KCNMA1: variants seen among roughly 807,000 people sequenced by gnomAD.
The protein encoded by KCNMA1 is Calcium-activated potassium channel subunit alpha-1.
Under a neutral mutation model 140.0 loss-of-function variants are expected in KCNMA1, and 29 were observed. That is an observed-to-expected ratio of 0.21 (90% CI 0.15 to 0.28). KCNMA1 has a LOEUF of 0.28. Ranked by LOEUF, KCNMA1 falls within the 10% of genes least tolerant of loss-of-function variation. The pLI is 1.00. For synonymous variants in KCNMA1, 612 were observed against 611.9 expected (o/e 1.00, Z 0.00); for missense variants, 880 against 1,602.2 (o/e 0.55, Z 7.70).
chr10:77,131,339 C>T (rs1307661672), intron 5 of KCNMA1, among the ~76,000 whole-genome samples: 2 of 152,192 alleles, frequency 1.3e-5, no homozygotes, highest in Non-Finnish European at 2.9e-5. Flanking sequence ...AGCACGGTGG[C>T]TCATGCCCGT....
intron 14 of KCNMA1, among the ~76,000 whole-genome samples, chr10:77,041,598 C>T (rs1031988030): frequency 2.6e-5 from 4 of 152,174 alleles, no homozygotes; most frequent in African/African-American, 7.2e-5. Flanking sequence ...CCACTGCTAC[C>T]GGCTTACAAT....
chr10:77,471,497 TCACACCATACACCA>T (rs1054338588), intron 1 of KCNMA1, among the ~76,000 whole-genome samples: 31 of 145,716 alleles, frequency 2.1e-4, no homozygotes, highest in Non-Finnish European at 6.0e-5. Context: ...CACACACACT[TCACACCATACACCA>T]CACACCATAC....
At position 76,984,255 on chromosome 10, in the gene KCNMA1, T is replaced by C. The variant is rs138687332; in HGVS notation, c.2267-14188A>G. Among the ~76,000 whole-genome samples, 361 of 152,144 alleles carry C rather than the reference T, an allele frequency of 2.4e-3. 5 individuals carry two copies. The highest frequency in any genetic ancestry group is 0.02 in the Admixed American group (300 of 15,278). On this transcript the variant is annotated intron_variant, in intron 19 of 27. Transcript: ENST00000286628. ...TGTCACCCAGGCTCCCAGGCTGGAA[T>C]GCAGTGGTGCAATCTTGGCTCACTG... is the stretch of plus-strand genomic sequence containing the variant.
At chr10:77,518,443 C>A (rs1349648872) in intron 1 of KCNMA1, among the ~76,000 whole-genome samples, 1 of 152,180 alleles carries the variant, frequency 6.6e-6, no homozygotes. Context: ...CCCCAGCATC[C>A]ATTTAAAAAT....
Position 77,041,161 on chromosome 10 carries a change from T to TGGTAGAGACAGGG in KCNMA1, c.1750-1525_1750-1524insCCCTGTCTCTACC, listed in dbSNP as rs1565721651. ...CATGCCTGGCTAATTCTTTTTTTTT[T>TGGTAGAGACAGGG]TTTTTTTTTTTTTTTTTTTTTGAGA... On this transcript the variant is annotated intron_variant, in intron 14 of 27. Transcript: ENST00000286628. Among the ~76,000 whole-genome samples, 23 of 2,948 alleles carry TGGTAGAGACAGGG rather than the reference T, an allele frequency of 7.8e-3. 6 individuals are homozygous for TGGTAGAGACAGGG. The highest frequency in any genetic ancestry group is 0.012 in the South Asian group (2 of 162). The allele number at this position is 2,948 out of a possible 152,430, so 1.9% of individuals were successfully genotyped here. A position where few individuals can be genotyped will look rare whatever the true frequency, so the allele number is the denominator to read the frequency against.
chr10:77,628,990 T>C (rs1468669826), intron 1 of KCNMA1, among the ~76,000 whole-genome samples: 1 of 152,164 alleles, frequency 6.6e-6, no homozygotes, highest in East Asian at 1.9e-4. Context: ...GAAAATCTGG[T>C]AGAGAGGCCA....
chr10:76,927,124 C>G (rs990598148), intron 23 of KCNMA1, among the ~76,000 whole-genome samples: 1 of 152,074 alleles, frequency 6.6e-6, no homozygotes, highest in African/African-American at 2.4e-5. Flanking sequence ...ACGTGATCTC[C>G]AACAAAATAA....
At chr10:77,555,141 A>G (rs1369397127) in intron 1 of KCNMA1, among the ~76,000 whole-genome samples, 2 of 152,068 alleles carry the variant, frequency 1.3e-5, no homozygotes. Context: ...GAGGACACTG[A>G]CATAGGGAGG....
intron 1 of KCNMA1, among the ~76,000 whole-genome samples, chr10:77,534,792 G>A (rs2058484504): frequency 6.6e-6 from 1 of 152,076 alleles, no homozygotes; most frequent in Non-Finnish European, 1.5e-5. Context: ...AGTGACAAAC[G>A]TTTGATCAAT....
At chr10:76,978,073 T>C (rs1363715713) in intron 19 of KCNMA1, among the ~76,000 whole-genome samples, 3 of 152,232 alleles carry the variant, frequency 2.0e-5, no homozygotes, top group African/African-American at 7.2e-5. Flanking sequence ...TTTAAACCTC[T>C]GCACAATAAC....
intron 3 of KCNMA1, among the ~76,000 whole-genome samples, chr10:77,244,091 A>G (rs1397549912): frequency 6.6e-6 from 1 of 152,208 alleles, no homozygotes; most frequent in African/African-American, 2.4e-5. Flanking sequence ...GTAGGTTATC[A>G]TGTCTTTGTT....
intron 18 of KCNMA1, among the ~76,000 whole-genome samples, chr10:77,007,135 G>A (rs1430295465): frequency 2.0e-5 from 3 of 152,166 alleles, no homozygotes; most frequent in Non-Finnish European, 4.4e-5. Flanking sequence ...GCTCAATGCT[G>A]GCCTTAAAAG....
chr10:77,391,788 T>A (rs369396845), intron 2 of KCNMA1, among the ~76,000 whole-genome samples: 1 of 152,014 alleles, frequency 6.6e-6, no homozygotes, highest in Admixed American at 6.5e-5. Flanking sequence ...CTTGGAAGCA[T>A]CAGCTTGCGT....
rs532247799 is a variant in KCNMA1 at position 76,923,897 on chromosome 10, T to C, written c.2903-8848A>G. Among the ~76,000 whole-genome samples, 23 of 152,050 alleles carry C rather than the reference T, an allele frequency of 1.5e-4. No individual in the cohort carries two copies. The South Asian group carries it at 4.8e-3, about 32-fold the overall frequency. On this transcript the variant is annotated intron_variant, in intron 23 of 27. Coordinates refer to ENST00000286628, the MANE Select transcript of KCNMA1 (RefSeq NM_001161352.2). ...GGGTGTGCCTGTATTCCCAGCTACT[T>C]GGGAGGCTGACGTGGGAGGATTGCT... is the stretch of plus-strand genomic sequence containing the variant.
At chr10:77,069,194 A>G (rs1363717674) in intron 14 of KCNMA1, among the ~76,000 whole-genome samples, 5 of 152,170 alleles carry the variant, frequency 3.3e-5, no homozygotes, top group Non-Finnish European at 7.3e-5. Flanking sequence ...TCTCACTAGA[A>G]CCTGACAGGC....
At chr10:77,008,306 A>G (rs986349470) in intron 18 of KCNMA1, 3 of 1,080,462 alleles carry the variant, frequency 2.8e-6, no homozygotes, top group Non-Finnish European at 4.0e-6. Flanking sequence ...TCCTTCAAAC[A>G]CATCAAACTA....
chr10:76,946,567 C>T (rs1432929942), intron 22 of KCNMA1, among the ~76,000 whole-genome samples: 1 of 152,162 alleles, frequency 6.6e-6, no homozygotes, highest in African/African-American at 2.4e-5. Flanking sequence ...GGGCATTTAG[C>T]ACTGTGGTTG....
chr10:77,252,556 T>TGTGC (rs1341882275), intron 2 of KCNMA1, among the ~76,000 whole-genome samples: 2 of 149,200 alleles, frequency 1.3e-5, no homozygotes, highest in African/African-American at 4.9e-5. Context: ...TGTGTGTGTG[T>TGTGC]GCGGGCACGT....
At chr10:77,508,043 G>C (rs575622854) in intron 1 of KCNMA1, among the ~76,000 whole-genome samples, 21 of 152,316 alleles carry the variant, frequency 1.4e-4, no homozygotes, top group African/African-American at 5.0e-4. Context: ...TCATTTAAAA[G>C]CATAGCTTCA....
Sources: allele counts gnomAD v4.1 joint callset (sites outside exome capture counted in the v4.1 genomes callset), GRCh38; gene constraint gnomAD v4.1.1; transcripts MANE v1.5; gene names NCBI Gene and HGNC (gene_info 2026-07-23, HGNC 2026-07-21).